Variants in PPP2R2B observed in about 807,000 individuals in gnomAD.
The protein encoded by PPP2R2B is serine/threonine-protein phosphatase 2A 55 kDa regulatory subunit B beta isoform.
PPP2R2B carries 5 observed loss-of-function variants against 46.0 expected under a neutral mutation model. The ratio of observed to expected loss-of-function variants is 0.11; its 90% CI spans 0.06 to 0.23. The LOEUF is 0.23. Ranked by LOEUF, PPP2R2B falls within the 10% of genes least tolerant of loss-of-function variation. The pLI is 1.00. For synonymous variants in PPP2R2B, 215 were observed against 206.7 expected (o/e 1.04, Z -0.34); for missense variants, 367 against 575.0 (o/e 0.64, Z 3.70).
chr5:146,831,598 A>G (rs1222982072), intron 2 of PPP2R2B, among the ~76,000 whole-genome samples: 1 of 151,436 alleles, frequency 6.6e-6, no homozygotes, highest in African/African-American at 2.4e-5. Context: ...CATCCTGCAC[A>G]TGTACCTCGG....
intron 2 of PPP2R2B, among the ~76,000 whole-genome samples, chr5:146,807,050 A>C (rs1757220402): frequency 6.6e-6 from 1 of 152,158 alleles, no homozygotes; most frequent in African/African-American, 2.4e-5. Context: ...CTAGACTAGG[A>C]GCCTTTGGGA....
At chr5:147,007,076 T>C (rs779730268) in intron 1 of PPP2R2B, among the ~76,000 whole-genome samples, 8 of 152,140 alleles carry the variant, frequency 5.3e-5, no homozygotes, top group Non-Finnish European at 1.0e-4. Context: ...AAGCTACAGA[T>C]GGTCTTACAA....
chr5:146,667,643 C>T (rs778183063), intron 5 of PPP2R2B, among the ~76,000 whole-genome samples: 1 of 151,878 alleles, frequency 6.6e-6, no homozygotes, highest in Non-Finnish European at 1.5e-5. Flanking sequence ...TGAAATGGAG[C>T]ATATGAAATA....
At chr5:146,717,260 G>A (rs1052442167) in intron 2 of PPP2R2B, among the ~76,000 whole-genome samples, 3 of 152,334 alleles carry the variant, frequency 2.0e-5, no homozygotes, top group African/African-American at 7.2e-5. Context: ...GATAGGAGAG[G>A]AGTGAAAATC....
intron 7 of PPP2R2B, among the ~76,000 whole-genome samples, chr5:146,617,578 G>A (rs1025110753): frequency 1.3e-5 from 2 of 152,154 alleles, no homozygotes; most frequent in African/African-American, 4.8e-5. Flanking sequence ...AAAGCACTAT[G>A]ATAGGTGCTA....
At chr5:146,758,618 A>AT (rs1753977708) in intron 2 of PPP2R2B, among the ~76,000 whole-genome samples, 1 of 152,076 alleles carries the variant, frequency 6.6e-6, no homozygotes, top group Non-Finnish European at 1.5e-5. Flanking sequence ...ACTTTGTCTG[A>AT]TTTTTCCCCA....
intron 6 of PPP2R2B, among the ~76,000 whole-genome samples, chr5:146,648,018 G>T (rs527713316): frequency 2.0e-5 from 3 of 152,186 alleles, no homozygotes; most frequent in African/African-American, 7.2e-5. Context: ...CCTTGGAGAC[G>T]GTTGAGTGCT....
intron 1 of PPP2R2B, among the ~76,000 whole-genome samples, chr5:146,965,598 T>C (rs896044411): frequency 7.2e-5 from 11 of 152,214 alleles, no homozygotes; most frequent in Admixed American, 4.6e-4. Context: ...TGCCCTGTCC[T>C]GAGGTATCAG....
chr5:146,946,737 G>A (rs116473993), intron 1 of PPP2R2B, among the ~76,000 whole-genome samples: 2,098 of 152,050 alleles, frequency 0.014, 52 homozygotes, highest in African/African-American at 0.049. Flanking sequence ...AATAAAACAT[G>A]GCTTCACTAC....
At chr5:146,674,001 C>T (rs947639422) in intron 5 of PPP2R2B, among the ~76,000 whole-genome samples, 7 of 152,176 alleles carry the variant, frequency 4.6e-5, no homozygotes, top group East Asian at 1.9e-4. Flanking sequence ...TCTGACCATA[C>T]GACCAAGTTA....
intron 2 of PPP2R2B, among the ~76,000 whole-genome samples, chr5:146,719,140 A>G (rs1780651534): frequency 6.6e-6 from 1 of 152,210 alleles, no homozygotes; most frequent in Non-Finnish European, 1.5e-5. Flanking sequence ...TTGTAATCCC[A>G]GGTTAAATTA....
At chr5:146,788,795 C>T (rs117794797) in intron 2 of PPP2R2B, among the ~76,000 whole-genome samples, 100 of 152,268 alleles carry the variant, frequency 6.6e-4, no homozygotes, top group South Asian at 1.9e-3. Context: ...TTGGGTTACA[C>T]TTAAACACTC....
intron 2 of PPP2R2B, among the ~76,000 whole-genome samples, chr5:146,801,762 A>G (rs1214593258): frequency 1.4e-4 from 22 of 152,246 alleles, no homozygotes; most frequent in Admixed American, 1.4e-3. Flanking sequence ...AATGCTTAGC[A>G]CAGTGCCTGG....
chr5:146,762,961 C>A (rs1754255182), intron 2 of PPP2R2B, among the ~76,000 whole-genome samples: 1 of 152,200 alleles, frequency 6.6e-6, no homozygotes, highest in South Asian at 2.1e-4. Context: ...TCTAGTTGAG[C>A]CTCTGTCATT....
At chr5:146,655,149 G>A (rs929411295) in intron 5 of PPP2R2B, among the ~76,000 whole-genome samples, 1 of 152,196 alleles carries the variant, frequency 6.6e-6, no homozygotes, top group Non-Finnish European at 1.5e-5. Flanking sequence ...GACCCTGGTT[G>A]AGTTTCAGCT....
At chr5:146,732,313 C>CAA (rs997141824) in intron 2 of PPP2R2B, among the ~76,000 whole-genome samples, 1 of 152,226 alleles carries the variant, frequency 6.6e-6, no homozygotes, top group African/African-American at 2.4e-5. Flanking sequence ...CTCTTTAATA[C>CAA]AAGTGCTATA....
At position 146,878,610 on chromosome 5, in the gene PPP2R2B, T is replaced by C; in HGVS notation, c.-144A>G. The stretch of plus-strand genomic sequence containing the variant: ...GCTTGCCTGGCCGGAATGAGGGTGC[T>C]GGTCCCACGGGAGGGCGGCTCCGGC... On this transcript the variant is annotated 5_prime_UTR_variant, in exon 1 of 10. Transcript: ENST00000394411. This position sits in a 1 kb window ranked among gnomAD's most constrained non-coding sequence, Gnocchi z 4.5. 8.1e-7 allele frequency: 1 copy of C among 1,241,444 alleles called. No homozygotes were observed. Among genetic ancestry groups the C allele is most frequent in the Non-Finnish European group, 1.0e-6 (1 of 965,892 alleles). 76.9% of individuals were successfully genotyped at this position (1,241,444 alleles called of 1,614,324 possible). A position where few individuals can be genotyped will look rare whatever the true frequency, so the allele number is the denominator to read the frequency against.
intron 1 of PPP2R2B, among the ~76,000 whole-genome samples, chr5:146,976,128 T>C (rs962781926): frequency 5.4e-4 from 79 of 147,654 alleles, no homozygotes; most frequent in Admixed American, 8.8e-4. Context: ...TTATTATTAT[T>C]ATTATTATTA....
intron 2 of PPP2R2B, among the ~76,000 whole-genome samples, chr5:146,779,239 G>A (rs910443446): frequency 3.9e-5 from 6 of 152,194 alleles, no homozygotes; most frequent in African/African-American, 1.4e-4. Flanking sequence ...TCTTTTAAGA[G>A]TGATTTTAAC....
Sources: allele counts gnomAD v4.1 joint callset (sites outside exome capture counted in the v4.1 genomes callset), GRCh38; gene constraint gnomAD v4.1.1; non-coding constraint Gnocchi (gnomAD v3.1); transcripts MANE v1.5; gene names NCBI Gene and HGNC (gene_info 2026-07-23, HGNC 2026-07-21).